The following PCDHGB6 variants were observed in gnomAD, a reference collection of about 807,000 sequenced individuals.
PCDHGB6 encodes the protein protocadherin gamma subfamily B, 6.
Under a neutral mutation model 59.1 loss-of-function variants are expected in PCDHGB6, and 51 were observed. That is an observed-to-expected ratio of 0.86 (90% CI 0.69 to 1.09). The LOEUF is 1.09. Ranked by LOEUF, PCDHGB6 falls within the 50% of genes least tolerant of loss-of-function variation. PCDHGB6 has a pLI of 0.00. For synonymous variants in PCDHGB6, 466 were observed against 495.1 expected, an observed-to-expected ratio of 0.94 and a Z score of 0.78; for missense variants, 1,148 against 1,205.1, an observed-to-expected ratio of 0.95 and a Z score of 0.70.
intron 1 of PCDHGB6, chr5:141,422,889 G>A (rs62378455): frequency 0.035 from 55,863 of 1,614,202 alleles, 1,109 homozygotes; most frequent in Middle Eastern, 0.098. Context: ...TGTTCGTGCT[G>A]GACCAGAACG....
intron 1 of PCDHGB6, chr5:141,422,145 G>A: frequency 1.3e-6 from 2 of 1,580,726 alleles, no homozygotes; most frequent in Non-Finnish European, 8.6e-7. Context: ...AAGTACGGGG[G>A]TCTCTGGATT....
In PCDHGB6 at chr5:141,477,551, C is replaced by T. The variant is rs372055994; in HGVS notation, c.2419-17256C>T. ...CCTCCCCGGGGCTCCAATACTAAAC[C>T]TAAGTGTCTGGGACCCCGACGCCCC... On this transcript the variant is annotated intron_variant, in intron 1 of 3. Coordinates refer to ENST00000520790, the MANE Select transcript of PCDHGB6 (RefSeq NM_018926.3). The surrounding 1 kb of genome is among the most constrained non-coding windows in gnomAD (Gnocchi z 4.9). The T allele has an allele frequency of 8.1e-6, 13 of 1,614,060 alleles. No homozygotes were observed. Among genetic ancestry groups the T allele is most frequent in the Non-Finnish European group, 1.0e-5 (12 of 1,180,042 alleles).
chr5:141,410,175 C>T lies in PCDHGB6; in HGVS notation c.1973C>T (p.Ala658Val), dbSNP rs202065305. The change falls in exon 1 of 4, where the codon GCC becomes GTC. Residue 658 changes from alanine to valine, a missense_variant. Transcript: ENST00000520790. ...DGGQPPLSAT[A>V]TLHLVFADNL... ...GGACAGCCGCCACTCTCTGCCACCG[C>T]CACGCTTCATCTGGTCTTCGCAGAC... is the stretch of plus-strand genomic sequence containing the variant. 3.1e-6 allele frequency: 5 copies of T among 1,613,752 alleles called. No homozygotes were observed. The highest frequency in any genetic ancestry group is 8.5e-7 in the Non-Finnish European group (1 of 1,179,814).
At chr5:141,418,974 G>A in intron 1 of PCDHGB6, 2 of 1,613,936 alleles carry the variant, frequency 1.2e-6, no homozygotes, top group Non-Finnish European at 1.7e-6. Context: ...TTCAAAACAC[G>A]GGACCAAGAC....
intron 1 of PCDHGB6, chr5:141,422,834 G>A (rs1450583869): frequency 3.1e-6 from 5 of 1,614,230 alleles, no homozygotes; most frequent in East Asian, 2.2e-5. Context: ...GTGATAGCAC[G>A]TGACAGCGGG....
intron 2 of PCDHGB6, among the ~76,000 whole-genome samples, chr5:141,495,834 C>T (rs1366861675): frequency 6.6e-6 from 1 of 152,198 alleles, no homozygotes; most frequent in African/African-American, 2.4e-5. Context: ...CTATCCCCAG[C>T]CTCTATGTTT....
At chr5:141,481,524 A>G (rs186970700) in intron 1 of PCDHGB6, among the ~76,000 whole-genome samples, 4 of 152,240 alleles carry the variant, frequency 2.6e-5, no homozygotes, top group African/African-American at 9.6e-5. Flanking sequence ...CTCAGTAAAA[A>G]TCTAGAGATG....
chr5:141,464,907 T>A lies in PCDHGB6; in HGVS notation c.2419-29900T>A, dbSNP rs187725683. On this transcript the variant is annotated intron_variant, in intron 1 of 3. Transcript: ENST00000520790. ...ATGGATGCCACCATGTCCAGCTAAT[T>A]TTTTTATTTTTTTGTAGAGATGTGA... 4.5e-3 allele frequency among the ~76,000 whole-genome samples: 687 copies of A among 152,148 alleles called. 4 individuals are homozygous for A. Among genetic ancestry groups the A allele is most frequent in the African/African-American group, 0.015 (630 of 41,510 alleles).
At position 141,409,656 on chromosome 5, in the gene PCDHGB6, G is replaced by A; in HGVS notation, c.1454G>A (p.Gly485Asp). The A allele has an allele frequency of 6.2e-7, 1 of 1,613,618 alleles. No individual in the cohort carries two copies. The highest frequency in any genetic ancestry group is 1.1e-5 in the South Asian group (1 of 91,090). Residue 485 changes from glycine (G) to aspartate (D), a missense_variant, in exon 1 of 4, where the codon GGC becomes GAC. Gly to Asp is a moderately conservative substitution (Grantham distance 94). Coordinates refer to ENST00000520790, the MANE Select transcript of PCDHGB6 (RefSeq NM_018926.3). Reference protein sequence around the residue: ...SASDPDLGLNGHISYSIVASD... With the variant: ...SASDPDLGLNDHISYSIVASD... ...TCTGACCCGGATTTGGGGCTCAATG[G>A]CCACATCTCCTACTCTATAGTGGCG... is the stretch of plus-strand genomic sequence containing the variant.
intron 1 of PCDHGB6, among the ~76,000 whole-genome samples, chr5:141,455,407 A>T (rs1273781307): frequency 1.3e-5 from 2 of 152,174 alleles, no homozygotes; most frequent in Non-Finnish European, 2.9e-5. Context: ...TTACAGAGAC[A>T]GAGGGAGCGG....
At chr5:141,423,826 A>G (rs1324911075) in intron 1 of PCDHGB6, 21 of 1,275,178 alleles carry the variant, frequency 1.6e-5, no homozygotes, top group Middle Eastern at 2.2e-4. Flanking sequence ...TTTGCCTTTC[A>G]TGAGATTACG....
At chr5:141,444,783 C>A (rs551686741) in intron 1 of PCDHGB6, among the ~76,000 whole-genome samples, 2 of 152,100 alleles carry the variant, frequency 1.3e-5, no homozygotes, top group Non-Finnish European at 2.9e-5. Context: ...GATCATGTTT[C>A]ATTTGTCTAT....
intron 1 of PCDHGB6, chr5:141,478,684 T>C: frequency 6.4e-7 from 1 of 1,551,340 alleles, no homozygotes; most frequent in Non-Finnish European, 8.7e-7. Flanking sequence ...TGGCCCTTCC[T>C]AGATCAAAGT....
intron 1 of PCDHGB6, chr5:141,418,548 T>C: frequency 6.2e-7 from 1 of 1,613,964 alleles, no homozygotes; most frequent in Non-Finnish European, 8.5e-7. Flanking sequence ...CAGATAAGAA[T>C]CCTGGTAATA....
Position 141,409,792 on chromosome 5 carries a change from C to T in PCDHGB6, c.1590C>T (p.Leu530=). 6.2e-7 allele frequency: 1 copy of T among 1,612,068 alleles called. No homozygotes were observed. The highest frequency in any genetic ancestry group is 1.3e-5 in the African/African-American group (1 of 75,044). The change falls in exon 1 of 4, where the codon CTC becomes CTT. Residue 530 remains leucine (L), a synonymous_variant. Coordinates refer to ENST00000520790, the MANE Select transcript of PCDHGB6 (RefSeq NM_018926.3). The stretch of plus-strand genomic sequence containing the variant: ...ACGAGCAGCTGCGCGCCTTCGCGCT[C>T]ACGCTGCAGGCCCGCGACCACGGCT... The part of the protein sequence containing the change: ...FDHEQLRAFA[L]TLQARDHGSP...
rs2099400874 is a variant in PCDHGB6 at position 141,476,888 on chromosome 5, C to T, written c.2419-17919C>T. On this transcript the variant is annotated intron_variant, in intron 1 of 3. Transcript: ENST00000520790. This position sits in a 1 kb window ranked among gnomAD's most constrained non-coding sequence, Gnocchi z 7.6. ...CCGGGCGCGCGTCCTGGAGGATGCA[C>T]CCTCCGGCACGCGCGTGGTACAAGT... is the stretch of plus-strand genomic sequence containing the variant. 1.2e-6 allele frequency: 2 copies of T among 1,613,964 alleles called. No homozygotes were observed. The highest frequency in any genetic ancestry group is 1.7e-6 in the Non-Finnish European group (2 of 1,180,030).
intron 1 of PCDHGB6, among the ~76,000 whole-genome samples, chr5:141,462,574 C>T (rs1308899602): frequency 2.0e-5 from 3 of 152,036 alleles, no homozygotes; most frequent in Non-Finnish European, 4.4e-5. Context: ...TTGCTAATCC[C>T]ATCCAGTGAA....
Position 141,431,500 on chromosome 5 carries a change from C to T in PCDHGB6, c.2418+20880C>T, listed in dbSNP as rs903027252. On this transcript the variant is annotated intron_variant, in intron 1 of 3. Transcript: ENST00000520790. This position sits in a 1 kb window ranked among gnomAD's most constrained non-coding sequence, Gnocchi z 4.8. ...CACCAGCGTTTGCTCAGCCCGAGTACCGCGCGAGCGTTCCGGAGAATCTGG... is the reference window on the plus strand; with the variant it reads ...CACCAGCGTTTGCTCAGCCCGAGTATCGCGCGAGCGTTCCGGAGAATCTGG... The T allele has an allele frequency of 4.4e-5, 71 of 1,613,894 alleles. No individual in the cohort carries two copies. The highest frequency in any genetic ancestry group is 5.9e-5 in the Non-Finnish European group (70 of 1,180,050).
intron 2 of PCDHGB6, among the ~76,000 whole-genome samples, chr5:141,497,264 A>G (rs2154592078): frequency 6.6e-6 from 1 of 152,258 alleles, no homozygotes; most frequent in East Asian, 1.9e-4. Flanking sequence ...GAGAAGTTCT[A>G]GGCCATTTAT....
Sources: allele counts gnomAD v4.1 joint callset (sites outside exome capture counted in the v4.1 genomes callset), GRCh38; gene constraint gnomAD v4.1.1; non-coding constraint Gnocchi (gnomAD v3.1); transcripts MANE v1.5; gene names NCBI Gene and HGNC (gene_info 2026-07-23, HGNC 2026-07-21).